SLC2A10: variants seen among roughly 807,000 people sequenced by gnomAD.
The protein encoded by SLC2A10 is solute carrier family 2 member 10, also known as solute carrier family 2, facilitated glucose transporter member 10.
SLC2A10 carries 25 observed loss-of-function variants against 32.1 expected under a neutral mutation model. That is an observed-to-expected ratio of 0.78 (90% CI 0.57 to 1.09). The LOEUF is 1.09. Ranked by LOEUF, SLC2A10 falls within the 50% of genes least tolerant of loss-of-function variation. The pLI is 0.00. For synonymous variants in SLC2A10, 332 were observed against 309.6 expected, an observed-to-expected ratio of 1.07 and a Z score of -0.76; for missense variants, 673 against 686.5, an observed-to-expected ratio of 0.98 and a Z score of 0.22.
At chr20:46,729,049 G>A (rs1278960673) in intron 3 of SLC2A10, among the ~76,000 whole-genome samples, 2 of 152,150 alleles carry the variant, frequency 1.3e-5, no homozygotes, top group Admixed American at 1.3e-4. Context: ...CGGAGCCCAA[G>A]CGTGCTCCAC....
intron 4 of SLC2A10, among the ~76,000 whole-genome samples, chr20:46,733,069 G>T (rs1304946201): frequency 6.6e-6 from 1 of 152,160 alleles, no homozygotes; most frequent in African/African-American, 2.4e-5. Context: ...GTCTCCTTCT[G>T]AGCAGATGTA....
At chr20:46,717,531 G>T (rs185282456) in intron 1 of SLC2A10, among the ~76,000 whole-genome samples, 1 of 151,948 alleles carries the variant, frequency 6.6e-6, no homozygotes, top group Non-Finnish European at 1.5e-5. Flanking sequence ...GATTACAGGC[G>T]CCCACCACCA....
rs142106322 is a variant in SLC2A10 at position 46,725,801 on chromosome 20, C to T, written c.765C>T (p.Ser255=). ...AGCCCAACGTGCTGTGCTATGCCTC[C>T]ACCATCTTCAGCTCCGTTGGTTTCC... ...TGQPNVLCYA[S]TIFSSVGFHG... The change falls in exon 2 of 5, where the codon TCC becomes TCT. Residue 255 remains serine, a synonymous_variant. Coordinates refer to ENST00000359271, the MANE Select transcript of SLC2A10 (RefSeq NM_030777.4). The T allele has an allele frequency of 7.2e-4, 1,157 of 1,614,238 alleles. 2 individuals are homozygous for T. Among genetic ancestry groups the T allele is most frequent in the Admixed American group, 1.5e-3 (88 of 60,036 alleles).
At chr20:46,715,252 T>TTGTTTGTTTGTA (rs1353536498) in intron 1 of SLC2A10, among the ~76,000 whole-genome samples, 1 of 152,132 alleles carries the variant, frequency 6.6e-6, no homozygotes, top group Non-Finnish European at 1.5e-5. Context: ...GTTTGTTTGT[T>TTGTTTGTTTGTA]TGTTTCTATT....
chr20:46,711,905 A>G (rs1296923065), intron 1 of SLC2A10, among the ~76,000 whole-genome samples: 3 of 152,162 alleles, frequency 2.0e-5, no homozygotes, highest in Admixed American at 6.5e-5. Context: ...CTCATCACCT[A>G]TATCTGGTAA....
rs147099162 is a variant in SLC2A10 at position 46,730,185 on chromosome 20, G to A, written c.1547+697G>A. Among the ~76,000 whole-genome samples, 5 of 152,234 alleles carry A rather than the reference G, an allele frequency of 3.3e-5. No homozygotes were observed. In the East Asian group the frequency reaches 9.7e-4, roughly 29 times the overall value. Reference sequence around the variant, plus strand: ...CACGCAAAACGCTTGTGGGCTTCATGCATTCATTCCGTGGCTATTTATTAA... The same window carrying A: ...CACGCAAAACGCTTGTGGGCTTCATACATTCATTCCGTGGCTATTTATTAA... On this transcript the variant is annotated intron_variant, in intron 4 of 4. Coordinates refer to ENST00000359271, the MANE Select transcript of SLC2A10 (RefSeq NM_030777.4).
intron 1 of SLC2A10, among the ~76,000 whole-genome samples, chr20:46,719,609 A>G (rs185456705): frequency 2.0e-4 from 30 of 152,352 alleles, no homozygotes; most frequent in South Asian, 2.1e-4. Flanking sequence ...CCATGACTCA[A>G]TTATCTCCCA....
intron 1 of SLC2A10, among the ~76,000 whole-genome samples, chr20:46,714,977 T>C (rs1979148662): frequency 6.6e-6 from 1 of 152,184 alleles, no homozygotes; most frequent in Admixed American, 6.5e-5. Flanking sequence ...TTGACTCTTC[T>C]TGCTGGGAGG....
intron 4 of SLC2A10, among the ~76,000 whole-genome samples, chr20:46,733,101 A>G (rs1980381538): frequency 2.0e-5 from 3 of 152,198 alleles, no homozygotes; most frequent in Admixed American, 1.3e-4. Context: ...TCACATTGCT[A>G]TGAAGAAATA....
In SLC2A10 at chr20:46,726,912, G is replaced by C. The variant is rs761324818; in HGVS notation, c.1337G>C (p.Arg446Thr). The C allele has an allele frequency of 6.2e-7, 1 of 1,614,192 alleles. No homozygotes were observed. The highest frequency in any genetic ancestry group is 1.7e-5 in the Admixed American group (1 of 60,024). ...SEIYPVEIRGRAFAFCNSFNW... is the reference protein window; with the variant it reads ...SEIYPVEIRGTAFAFCNSFNW... ...ATCTACCCTGTGGAGATACGAGGAAGAGCCTTCGCCTTCTGCAACAGCTTC... is the reference window on the plus strand; with the variant it reads ...ATCTACCCTGTGGAGATACGAGGAACAGCCTTCGCCTTCTGCAACAGCTTC... Residue 446 changes from arginine to threonine, a missense_variant, in exon 3 of 5, where the codon AGA (arginine) becomes ACA (threonine). Arg to Thr is a moderately conservative substitution (Grantham distance 71). Transcript: ENST00000359271.
At chr20:46,733,168 A>G (rs958837876) in intron 4 of SLC2A10, among the ~76,000 whole-genome samples, 1 of 152,228 alleles carries the variant, frequency 6.6e-6, no homozygotes, top group South Asian at 2.1e-4. Flanking sequence ...CACTCTGTAC[A>G]GGAAGAATGA....
rs555633458 is a variant in SLC2A10 at position 46,719,907 on chromosome 20, A to C, written c.5-5134A>C. Among the ~76,000 whole-genome samples the C allele has an allele frequency of 4.6e-5, 7 of 152,352 alleles. No individual in the cohort carries two copies. The East Asian group carries it at 7.7e-4, about 17-fold the overall frequency. Reference sequence around the variant, plus strand: ...TACAGGTGAGGAAACGAGTTCAAAGAGAAGAAGCAGCTTGCCCAGGGTGGC... The same window carrying C: ...TACAGGTGAGGAAACGAGTTCAAAGCGAAGAAGCAGCTTGCCCAGGGTGGC... On this transcript the variant is annotated intron_variant, in intron 1 of 4. Coordinates refer to ENST00000359271, the MANE Select transcript of SLC2A10 (RefSeq NM_030777.4).
chr20:46,724,828 G>C (rs981349133), intron 1 of SLC2A10, among the ~76,000 whole-genome samples: 5 of 149,828 alleles, frequency 3.3e-5, no homozygotes, highest in Non-Finnish European at 4.5e-5. Context: ...TGGATGGATG[G>C]ATGGATGGAT....
intron 4 of SLC2A10, among the ~76,000 whole-genome samples, chr20:46,730,499 T>A (rs1980238885): frequency 6.6e-6 from 1 of 152,014 alleles, no homozygotes; most frequent in African/African-American, 2.4e-5. Context: ...GAATTTAAGT[T>A]AGTGAGAAGG....
At chr20:46,716,759 C>G (rs1288901427) in intron 1 of SLC2A10, among the ~76,000 whole-genome samples, 1 of 151,928 alleles carries the variant, frequency 6.6e-6, no homozygotes, top group Admixed American at 6.6e-5. Context: ...TGGCTCATAC[C>G]TGTAAGTAAT....
rs1484613241 is a variant in SLC2A10, at chr20:46,725,160, C to T, written c.124C>T (p.Leu42=). The T allele has an allele frequency of 2.5e-6, 4 of 1,614,222 alleles. No homozygotes were observed. Among genetic ancestry groups the T allele is most frequent in the Non-Finnish European group, 2.5e-6 (3 of 1,180,034 alleles). The change falls in exon 2 of 5, where the codon CTA becomes TTA. Residue 42 remains leucine, a synonymous_variant. Coordinates refer to ENST00000359271, the MANE Select transcript of SLC2A10 (RefSeq NM_030777.4). The part of the protein sequence containing the change: ...ALLPLQLDFG[L]SCLEQEFLVG... ...GCTGCCACTGCAGCTTGACTTTGGGCTAAGCTGCTTGGAGCAGGAGTTCCT... is the reference window on the plus strand; with the variant it reads ...GCTGCCACTGCAGCTTGACTTTGGGTTAAGCTGCTTGGAGCAGGAGTTCCT...
At chr20:46,721,583 T>C (rs1979558821) in intron 1 of SLC2A10, among the ~76,000 whole-genome samples, 2 of 152,190 alleles carry the variant, frequency 1.3e-5, no homozygotes, top group African/African-American at 4.8e-5. Context: ...AGAGTATTGG[T>C]TGGCTCATGT....
chr20:46,711,113 G>A (rs1373481211), intron 1 of SLC2A10, among the ~76,000 whole-genome samples: 2 of 152,160 alleles, frequency 1.3e-5, no homozygotes, highest in African/African-American at 2.4e-5. Context: ...CTCGTGATCC[G>A]GCTGCCTCGG....
intron 3 of SLC2A10, 39 bp from the exon 4 acceptor site, chr20:46,729,314 C>T (rs1426234803): frequency 1.1e-5 from 18 of 1,612,300 alleles, no homozygotes; most frequent in Non-Finnish European, 1.5e-5. Context: ...GGCCAGAGTG[C>T]TTGGTCCTGG....
Sources: allele counts gnomAD v4.1 joint callset (sites outside exome capture counted in the v4.1 genomes callset), GRCh38; gene constraint gnomAD v4.1.1; transcripts MANE v1.5; gene names NCBI Gene and HGNC (gene_info 2026-07-23, HGNC 2026-07-21).